Variants in CMIP observed in about 807,000 individuals in gnomAD.
CMIP encodes the protein C-Maf-inducing protein.
A neutral mutation model predicts 97.3 loss-of-function variants in CMIP; 13 were observed. The observed-to-expected ratio is 0.13, with a 90% confidence interval of 0.09 to 0.21. CMIP has a LOEUF of 0.21. Among genes scored for constraint, CMIP ranks in the 10% least tolerant of loss-of-function variants. The pLI is 1.00. For missense variants in CMIP, 847 were observed against 1,024.9 expected (o/e 0.83, Z 2.37); for synonymous variants, 538 against 436.3 (o/e 1.23, Z -2.91).
chr16:81,640,289 C>CG (rs1466822812), intron 3 of CMIP, among the ~76,000 whole-genome samples: 2 of 134,074 alleles, frequency 1.5e-5, no homozygotes, highest in Non-Finnish European at 3.3e-5. Context: ...ACATCAGGCC[C>CG]CCCCCCCCCC....
chr16:81,657,894 A>G, intron 5 of CMIP, 78 bp downstream of exon 5: 3 of 1,264,336 alleles, frequency 2.4e-6, no homozygotes, highest in Non-Finnish European at 3.3e-6. Context: ...GTTTGGGGTA[A>G]TTCTGGCGCC....
chr16:81,608,397 T>C (rs2091778843), intron 2 of CMIP, among the ~76,000 whole-genome samples: 1 of 152,142 alleles, frequency 6.6e-6, no homozygotes, highest in African/African-American at 2.4e-5. Context: ...GCTGGCTTCA[T>C]TGGCAGAATC....
intron 1 of CMIP, among the ~76,000 whole-genome samples, chr16:81,533,447 A>G (rs529482106): frequency 3.3e-4 from 51 of 152,276 alleles, no homozygotes; most frequent in African/African-American, 1.1e-3. Flanking sequence ...GATTTTTTAT[A>G]TTATTGTCAT....
intron 1 of CMIP, among the ~76,000 whole-genome samples, chr16:81,527,187 C>T (rs1162625218): frequency 2.0e-5 from 3 of 152,204 alleles, no homozygotes; most frequent in Non-Finnish European, 4.4e-5. Context: ...TGCTGGGTAA[C>T]AAGACGATGG....
intron 1 of CMIP, among the ~76,000 whole-genome samples, chr16:81,559,091 C>T (rs1293683214): frequency 6.6e-6 from 1 of 152,196 alleles, no homozygotes; most frequent in Non-Finnish European, 1.5e-5. Flanking sequence ...GGACTTCCTT[C>T]TTCTGTGTGC....
At chr16:81,574,090 A>G (rs9924761) in intron 1 of CMIP, among the ~76,000 whole-genome samples, 10,221 of 152,250 alleles carry the variant, frequency 0.067, 693 homozygotes, top group African/African-American at 0.17. Flanking sequence ...CCTTGGTCAC[A>G]CTAGCCACAT....
chr16:81,589,676 A>T (rs556993132), intron 1 of CMIP, among the ~76,000 whole-genome samples: 11 of 152,208 alleles, frequency 7.2e-5, no homozygotes, highest in Admixed American at 3.3e-4. Context: ...ATGCATAACC[A>T]TCGATTCAGC....
intron 20 of CMIP, among the ~76,000 whole-genome samples, chr16:81,709,515 CG>C (rs2151113994): frequency 1.3e-5 from 2 of 152,284 alleles, no homozygotes; most frequent in African/African-American, 4.8e-5. Context: ...CCATCTGAGG[CG>C]GGGGCATGGG....
intron 1 of CMIP, among the ~76,000 whole-genome samples, chr16:81,574,858 C>A (rs1464768511): frequency 2.0e-5 from 3 of 152,196 alleles, no homozygotes; most frequent in Non-Finnish European, 4.4e-5. Flanking sequence ...ATCACGTGGG[C>A]AAGGACAGGA....
chr16:81,687,451 T>C (rs1322368602), intron 10 of CMIP, among the ~76,000 whole-genome samples: 1 of 152,140 alleles, frequency 6.6e-6, no homozygotes, highest in African/African-American at 2.4e-5. Flanking sequence ...CTGGGTTTGT[T>C]TTTCCGCGGA....
chr16:81,655,642 C>T lies in CMIP; in HGVS notation c.640-2133C>T, dbSNP rs528228340. On this transcript the variant is annotated intron_variant, in intron 4 of 20. Coordinates refer to ENST00000537098, the MANE Select transcript of CMIP (RefSeq NM_198390.3). This position sits in a 1 kb window ranked among gnomAD's most constrained non-coding sequence, Gnocchi z 4.9. Reference sequence around the variant, plus strand: ...TCGCCAAAGCCTTCCTGGAAAGGTGCGTGGGTGGCGGCGAGGGATGGATGT... The same window carrying T: ...TCGCCAAAGCCTTCCTGGAAAGGTGTGTGGGTGGCGGCGAGGGATGGATGT... 4.6e-5 allele frequency among the ~76,000 whole-genome samples: 7 copies of T among 152,224 alleles called. No individual in the cohort carries two copies. The highest frequency in any genetic ancestry group is 1.3e-4 in the Admixed American group (2 of 15,284).
intron 1 of CMIP, among the ~76,000 whole-genome samples, chr16:81,474,332 C>T (rs1381471013): frequency 6.6e-6 from 1 of 152,090 alleles, no homozygotes; most frequent in Non-Finnish European, 1.5e-5. Flanking sequence ...TCTCTTTCCC[C>T]CTTCTTTCTC....
At position 81,652,363 on chromosome 16, in the gene CMIP, A is replaced by T; in HGVS notation, c.638A>T (p.Glu213Val). The change falls in exon 4 of 21, where the codon GAG (glutamate) becomes GTG (valine). Residue 213 changes from glutamate to valine, a missense_variant and splice_region_variant. This residue lies in a region of CMIP where 285 missense variants were observed against 392.2 expected (regional missense o/e 0.73). Transcript: ENST00000537098. The surrounding 1 kb of genome is among the most constrained non-coding windows in gnomAD (Gnocchi z 5.2). ...GAAATCGTCTCGAAACTGCTCTCAG[A>T]GGTAAAACCCCTCCCCTGGACCCCT... is the stretch of plus-strand genomic sequence containing the variant. ...PLEIVSKLLS[E>V]NTNLTTQEHE... 1 of 1,612,392 alleles carries T rather than the reference A, an allele frequency of 6.2e-7. No homozygotes were observed. The highest frequency in any genetic ancestry group is 8.5e-7 in the Non-Finnish European group (1 of 1,179,392).
At chr16:81,487,689 G>A (rs2125202) in intron 1 of CMIP, among the ~76,000 whole-genome samples, 1 of 151,994 alleles carries the variant, frequency 6.6e-6, no homozygotes, top group Non-Finnish European at 1.5e-5. Flanking sequence ...CTTGCTTTAT[G>A]TGCAAACTGT....
intron 3 of CMIP, among the ~76,000 whole-genome samples, chr16:81,640,792 C>G (rs2092297176): frequency 6.6e-6 from 1 of 150,808 alleles, no homozygotes; most frequent in Non-Finnish European, 1.5e-5. Context: ...CTCCACATGG[C>G]CTTTTTATAA....
chr16:81,464,552 G>C (rs1282738649), intron 1 of CMIP: 1 of 152,018 alleles, frequency 6.6e-6, no homozygotes, highest in Admixed American at 6.6e-5. Context: ...GAAGTTCTGA[G>C]GTTTTAAAAA....
At chr16:81,643,813 G>C (rs1440968823) in intron 3 of CMIP, among the ~76,000 whole-genome samples, 1 of 146,690 alleles carries the variant, frequency 6.8e-6, no homozygotes, top group African/African-American at 2.4e-5. Flanking sequence ...AAATAAATAA[G>C]GTTAATGGTT....
At chr16:81,667,787 AGAGAGAGAGAGAGTGTGTGTGTGTGT>A (rs1303374261) in intron 7 of CMIP, among the ~76,000 whole-genome samples, 3 of 125,808 alleles carry the variant, frequency 2.4e-5, no homozygotes, top group Admixed American at 8.1e-5. Flanking sequence ...AGAGAGAGAG[AGAGAGAGAGAGAGTGTGTGTGTGTGT>A]GTGTGTGTGT....
At chr16:81,586,354 TATC>T (rs1170797979) in intron 1 of CMIP, among the ~76,000 whole-genome samples, 1 of 152,170 alleles carries the variant, frequency 6.6e-6, no homozygotes. Context: ...TGGGTGCTAT[TATC>T]ATCGAAACAG....
Sources: gnomAD v4.1 joint callset for allele counts (sites outside exome capture counted in the v4.1 genomes callset) on GRCh38, gnomAD v4.1.1 for gene constraint, gnomAD v4.1.1 regional missense constraint, Gnocchi (gnomAD v3.1) non-coding constraint, MANE v1.5 for transcripts, NCBI Gene and HGNC (gene_info 2026-07-23, HGNC 2026-07-21) for gene names.